The following SNX3 variants were observed in gnomAD, a reference collection of about 807,000 sequenced individuals.
The protein encoded by SNX3 is sorting nexin 3.
Under a neutral mutation model 17.7 loss-of-function variants are expected in SNX3, and 5 were observed. That is an observed-to-expected ratio of 0.28 (90% CI 0.15 to 0.59). The LOEUF is 0.59. SNX3 is among the 20% of genes least tolerant of loss of function. The pLI, the probability that SNX3 is intolerant of heterozygous loss-of-function variation, is 0.88. For synonymous variants in SNX3, 91 were observed against 76.5 expected (o/e 1.19, Z -0.99); for missense variants, 132 against 206.8 (o/e 0.64, Z 2.22).
chr6:108,238,066 C>T (rs148832362), intron 1 of SNX3, among the ~76,000 whole-genome samples: 2,629 of 141,022 alleles, frequency 0.019, 40 homozygotes, highest in Middle Eastern at 0.083. Flanking sequence ...GGCACCACTG[C>T]ACTCCAGCCT....
At chr6:108,237,331 A>G (rs958306959) in intron 1 of SNX3, among the ~76,000 whole-genome samples, 7 of 152,158 alleles carry the variant, frequency 4.6e-5, no homozygotes, top group Admixed American at 1.3e-4. Context: ...TAAGAAAAGG[A>G]TATCATTCCA....
intron 1 of SNX3, among the ~76,000 whole-genome samples, chr6:108,230,736 T>C (rs1242157932): frequency 1.3e-5 from 2 of 152,136 alleles, no homozygotes; most frequent in Admixed American, 1.3e-4. Flanking sequence ...GGGTTCTATA[T>C]TAGAAACCCA....
chr6:108,245,842 T>C (rs1004469614), intron 1 of SNX3, among the ~76,000 whole-genome samples: 1 of 152,232 alleles, frequency 6.6e-6, no homozygotes, highest in Non-Finnish European at 1.5e-5. Flanking sequence ...TTCTGGATAT[T>C]AGACCTTTGT....
At chr6:108,234,238 C>CATATATATATAT (rs10655859) in intron 1 of SNX3, among the ~76,000 whole-genome samples, 1,875 of 148,194 alleles carry the variant, frequency 0.013, 34 homozygotes, top group African/African-American at 0.043. Context: ...ATATAAAAAA[C>CATATATATATAT]ATATATATAT....
At chr6:108,221,899 A>G (rs1402743774) in intron 2 of SNX3, among the ~76,000 whole-genome samples, 4 of 151,888 alleles carry the variant, frequency 2.6e-5, no homozygotes, top group Non-Finnish European at 5.9e-5. Flanking sequence ...CTTAACACAG[A>G]TTTTGTATTT....
At chr6:108,229,248 A>T in intron 1 of SNX3, among the ~76,000 whole-genome samples, 1 of 142,576 alleles carries the variant, frequency 7.0e-6, no homozygotes. Context: ...CGACAGAGCG[A>T]GACTCCACCT....
intron 2 of SNX3, among the ~76,000 whole-genome samples, chr6:108,217,115 GACC>G (rs1270148971): frequency 6.6e-6 from 1 of 152,008 alleles, no homozygotes; most frequent in Non-Finnish European, 1.5e-5. Flanking sequence ...TTAAATAAAT[GACC>G]ACCATTAATT....
chr6:108,225,456 C>T (rs1353750580), intron 1 of SNX3, among the ~76,000 whole-genome samples: 1 of 151,636 alleles, frequency 6.6e-6, no homozygotes, highest in South Asian at 2.1e-4. Flanking sequence ...TACGGTGAAA[C>T]CCTGTCTCCA....
chr6:108,219,097 A>G lies in SNX3; in HGVS notation c.258+3853T>C, dbSNP rs541601472. Among the ~76,000 whole-genome samples the G allele has an allele frequency of 4.6e-5, 7 of 152,332 alleles. No individual in the cohort carries two copies. The East Asian group carries it at 1.3e-3, about 29-fold the overall frequency. On this transcript the variant is annotated intron_variant, in intron 2 of 3. Transcript: ENST00000230085. ...TCGGGCGGGGTGGCTCACGCCTGTA[A>G]TCCCAGCACTTCGGGAGGCCAAGGC...
At chr6:108,226,713 A>C (rs1774983898) in intron 1 of SNX3, among the ~76,000 whole-genome samples, 1 of 152,236 alleles carries the variant, frequency 6.6e-6, no homozygotes, top group Non-Finnish European at 1.5e-5. Context: ...GTCACTCAGC[A>C]CAAGAAAAGC....
chr6:108,216,989 G>A (rs1285444043), intron 2 of SNX3, among the ~76,000 whole-genome samples: 2 of 152,062 alleles, frequency 1.3e-5, no homozygotes, highest in Admixed American at 1.3e-4. Context: ...TTCTATAACT[G>A]AGAAACAAAG....
At chr6:108,226,364 G>A (rs564649968) in intron 1 of SNX3, among the ~76,000 whole-genome samples, 264 of 152,222 alleles carry the variant, frequency 1.7e-3, no homozygotes, top group Middle Eastern at 3.4e-3. Context: ...ATGAGCCACC[G>A]TGCCCAGCCA....
chr6:108,215,317 T>C lies in SNX3; in HGVS notation c.259-695A>G, dbSNP rs541783837. Reference sequence around the variant, plus strand: ...GTGAGTGGAGATCACGCCACTGCACTCCAGCTGGGCTACAGAGTGAGACTC... The same window carrying C: ...GTGAGTGGAGATCACGCCACTGCACCCCAGCTGGGCTACAGAGTGAGACTC... On this transcript the variant is annotated intron_variant, in intron 2 of 3. Transcript: ENST00000230085. Among the ~76,000 whole-genome samples, 225 of 146,288 alleles carry C rather than the reference T, an allele frequency of 1.5e-3. 1 individual carries two copies. The highest frequency in any genetic ancestry group is 2.5e-3 in the Non-Finnish European group (168 of 67,330).
chr6:108,225,269 G>A (rs541365006), intron 1 of SNX3, among the ~76,000 whole-genome samples: 10 of 152,028 alleles, frequency 6.6e-5, no homozygotes, highest in African/African-American at 1.9e-4. Flanking sequence ...GCGACTGAGC[G>A]AGACTCCGTC....
At chr6:108,235,779 C>A (rs1181509332) in intron 1 of SNX3, among the ~76,000 whole-genome samples, 2 of 152,090 alleles carry the variant, frequency 1.3e-5, no homozygotes, top group Non-Finnish European at 2.9e-5. Flanking sequence ...GCCTGTAGTC[C>A]CAGCTACTTG....
At chr6:108,217,425 AT>A (rs1774622218) in intron 2 of SNX3, among the ~76,000 whole-genome samples, 1 of 152,092 alleles carries the variant, frequency 6.6e-6, no homozygotes, top group Non-Finnish European at 1.5e-5. Flanking sequence ...ACATCAAATT[AT>A]TTTTGCTGAA....
intron 1 of SNX3, among the ~76,000 whole-genome samples, chr6:108,226,792 A>G (rs778491886): frequency 1.4e-4 from 21 of 152,306 alleles, no homozygotes; most frequent in Admixed American, 8.5e-4. Context: ...TAACTTCTCT[A>G]TGTTGTATAC....
intron 1 of SNX3, among the ~76,000 whole-genome samples, chr6:108,243,293 T>C (rs1775577554): frequency 6.6e-6 from 1 of 152,050 alleles, no homozygotes; most frequent in Admixed American, 6.5e-5. Context: ...AGGGCTACAA[T>C]TGTGGTAATT....
At chr6:108,251,563 T>TA (rs1290303596) in intron 1 of SNX3, among the ~76,000 whole-genome samples, 1 of 152,130 alleles carries the variant, frequency 6.6e-6, no homozygotes, top group Non-Finnish European at 1.5e-5. Flanking sequence ...AATATGATGT[T>TA]AGAAGCTGAT....
Sources: gnomAD v4.1 joint callset for allele counts (sites outside exome capture counted in the v4.1 genomes callset) on GRCh38, gnomAD v4.1.1 for gene constraint, MANE v1.5 for transcripts, NCBI Gene and HGNC (gene_info 2026-07-23, HGNC 2026-07-21) for gene names.